The following PEAK1 variants were observed in gnomAD, a reference collection of about 807,000 sequenced individuals.
The protein encoded by PEAK1 is inactive tyrosine-protein kinase PEAK1.
PEAK1 carries 54 observed loss-of-function variants against 124.7 expected under a neutral mutation model. That is an observed-to-expected ratio of 0.43 (90% CI 0.35 to 0.54). The LOEUF (loss-of-function observed/expected upper bound fraction) is 0.54. Ranked by LOEUF, PEAK1 falls within the 20% of genes least tolerant of loss-of-function variation. The pLI, the probability that PEAK1 is intolerant of heterozygous loss-of-function variation, is 0.01. For missense variants in PEAK1, 2,046 were observed against 2,134.5 expected, an observed-to-expected ratio of 0.96 and a Z score of 0.82; for synonymous variants, 719 against 760.0, an observed-to-expected ratio of 0.95 and a Z score of 0.89.
rs1276296451 is a variant in PEAK1, at chr15:77,178,461, C to A, written c.3137+329G>T. 13 of 328,736 alleles carry A rather than the reference C, an allele frequency of 4.0e-5. No homozygotes were observed. The East Asian group carries it at 4.7e-4, about 12-fold the overall frequency. The allele number at this position is 328,736 out of a possible 1,614,324, so 20.4% of individuals were successfully genotyped here. ...TTTATTCATTTGATCCTGTTTCTTCCTCACACTACCATCACATTCCAAAAC... is the reference window on the plus strand; with the variant it reads ...TTTATTCATTTGATCCTGTTTCTTCATCACACTACCATCACATTCCAAAAC... On this transcript the variant is annotated intron_variant, in intron 7 of 9. Transcript: ENST00000682557.
chr15:77,395,173 T>G (rs1474629717), intron 1 of PEAK1, among the ~76,000 whole-genome samples: 1 of 152,146 alleles, frequency 6.6e-6, no homozygotes, highest in Non-Finnish European at 1.5e-5. Context: ...ACTGACATAC[T>G]GAAGAATGCA....
intron 7 of PEAK1, among the ~76,000 whole-genome samples, chr15:77,160,539 G>C (rs1416494951): frequency 5.9e-5 from 9 of 152,018 alleles, no homozygotes. Flanking sequence ...AGCTGGGCAT[G>C]GTGGTGCACG....
At chr15:77,340,204 G>A (rs1421963626) in intron 2 of PEAK1, among the ~76,000 whole-genome samples, 3 of 152,170 alleles carry the variant, frequency 2.0e-5, no homozygotes, top group Admixed American at 6.5e-5. Context: ...TCTTAACTGT[G>A]AAAACTTGGA....
intron 2 of PEAK1, among the ~76,000 whole-genome samples, chr15:77,309,705 A>C (rs2064318289): frequency 6.6e-6 from 1 of 152,162 alleles, no homozygotes; most frequent in African/African-American, 2.4e-5. Context: ...CTGTGAGCTA[A>C]ACACCAAGTA....
At chr15:77,264,440 A>G (rs2061607425) in intron 5 of PEAK1, among the ~76,000 whole-genome samples, 1 of 152,226 alleles carries the variant, frequency 6.6e-6, no homozygotes, top group Non-Finnish European at 1.5e-5. Context: ...TAAAATCACA[A>G]GCATTCTTAT....
chr15:77,220,397 T>C lies in PEAK1; in HGVS notation c.-115+31970A>G, dbSNP rs139540286. Among the ~76,000 whole-genome samples the C allele has an allele frequency of 4.2e-4, 64 of 151,886 alleles. No homozygotes were observed. In the East Asian group the frequency reaches 0.012, roughly 29 times the overall value. The stretch of plus-strand genomic sequence containing the variant: ...AGATGTTACTTGACTACGCAATACA[T>C]CCCTTTTATCAACATATGATTGGAG... On this transcript the variant is annotated intron_variant, in intron 6 of 9. Transcript: ENST00000682557.
intron 8 of PEAK1, among the ~76,000 whole-genome samples, chr15:77,142,099 G>T (rs927640359): frequency 6.6e-6 from 1 of 152,240 alleles, no homozygotes; most frequent in South Asian, 2.1e-4. Context: ...TCTGATAAGA[G>T]ACTTATATTC....
At chr15:77,367,328 T>C (rs1306806313) in intron 1 of PEAK1, among the ~76,000 whole-genome samples, 2 of 152,144 alleles carry the variant, frequency 1.3e-5, no homozygotes, top group Non-Finnish European at 2.9e-5. Flanking sequence ...TAAAACTAAC[T>C]AATCTCCACT....
chr15:77,377,440 C>T (rs1261070992), intron 1 of PEAK1, among the ~76,000 whole-genome samples: 1 of 150,992 alleles, frequency 6.6e-6, no homozygotes, highest in Non-Finnish European at 1.5e-5. Flanking sequence ...GGGAAAAATA[C>T]AATGTTATAT....
At chr15:77,301,730 T>C (rs2063797758) in intron 2 of PEAK1, among the ~76,000 whole-genome samples, 1 of 152,206 alleles carries the variant, frequency 6.6e-6, no homozygotes, top group Non-Finnish European at 1.5e-5. Flanking sequence ...ACCCTTTCTG[T>C]ACTGCACTCA....
intron 1 of PEAK1, among the ~76,000 whole-genome samples, chr15:77,375,265 A>G (rs907036686): frequency 6.6e-6 from 1 of 152,186 alleles, no homozygotes; most frequent in Non-Finnish European, 1.5e-5. Context: ...TACCTTACTG[A>G]TGATGAGTTA....
chr15:77,332,177 A>C, intron 2 of PEAK1: 1 of 969,674 alleles, frequency 1.0e-6, no homozygotes. Flanking sequence ...ATAGCTAGTA[A>C]TATAAGCTTA....
chr15:77,196,042 C>G (rs1243343294), intron 6 of PEAK1, among the ~76,000 whole-genome samples: 2 of 152,194 alleles, frequency 1.3e-5, no homozygotes, highest in African/African-American at 4.8e-5. Flanking sequence ...CCTTCGTAAG[C>G]AAGAGCCAGC....
At chr15:77,122,922 T>C (rs1340205466) in intron 9 of PEAK1, among the ~76,000 whole-genome samples, 1 of 152,228 alleles carries the variant, frequency 6.6e-6, no homozygotes, top group African/African-American at 2.4e-5. Flanking sequence ...GTAATGCTTT[T>C]TCATTTAGTA....
intron 2 of PEAK1, among the ~76,000 whole-genome samples, chr15:77,320,208 C>G (rs951342789): frequency 1.3e-5 from 2 of 152,094 alleles, no homozygotes; most frequent in Admixed American, 1.3e-4. Flanking sequence ...CTTAGTTCCT[C>G]TTTACTCCCT....
chr15:77,205,926 C>T (rs1020751983), intron 6 of PEAK1, among the ~76,000 whole-genome samples: 2 of 146,864 alleles, frequency 1.4e-5, no homozygotes, highest in South Asian at 2.3e-4. Context: ...GCTGCACCCA[C>T]TAACTCGTCA....
intron 1 of PEAK1, among the ~76,000 whole-genome samples, chr15:77,375,954 G>A (rs1031818016): frequency 9.9e-5 from 15 of 151,744 alleles, no homozygotes; most frequent in Non-Finnish European, 1.9e-4. Flanking sequence ...AGCCGAGATC[G>A]CGCCACTGCA....
At chr15:77,216,600 G>A (rs566100486) in intron 6 of PEAK1, among the ~76,000 whole-genome samples, 36 of 152,300 alleles carry the variant, frequency 2.4e-4, no homozygotes, top group African/African-American at 8.4e-4. Flanking sequence ...GCGACAACAC[G>A]ATGCTGAAGA....
intron 1 of PEAK1, among the ~76,000 whole-genome samples, chr15:77,413,408 C>T (rs1025529284): frequency 6.6e-6 from 1 of 152,140 alleles, no homozygotes; most frequent in African/African-American, 2.4e-5. Flanking sequence ...AGAGTGCTCA[C>T]AAGTGATAAA....
Sources: allele counts gnomAD v4.1 joint callset (sites outside exome capture counted in the v4.1 genomes callset), GRCh38; gene constraint gnomAD v4.1.1; transcripts MANE v1.5; gene names NCBI Gene and HGNC (gene_info 2026-07-23, HGNC 2026-07-21).